STAG1: variants seen among roughly 807,000 people sequenced by gnomAD.
STAG1 encodes STAG1 cohesin complex component.
Under a neutral mutation model 170.9 loss-of-function variants are expected in STAG1, and 26 were observed. The ratio of observed to expected loss-of-function variants is 0.15; its 90% confidence interval spans 0.11 to 0.21. STAG1 has a LOEUF of 0.21. Among genes scored for constraint, STAG1 ranks in the 10% least tolerant of loss-of-function variants. The pLI is 1.00. For missense variants in STAG1, 964 were observed against 1,509.5 expected (o/e 0.64, Z 5.99); for synonymous variants, 514 against 497.7 (o/e 1.03, Z -0.44).
At chr3:136,422,198 C>A (rs2087979492) in intron 19 of STAG1, among the ~76,000 whole-genome samples, 2 of 150,482 alleles carry the variant, frequency 1.3e-5, no homozygotes, top group African/African-American at 2.4e-5. Flanking sequence ...AAAAGAAATT[C>A]TAGTTTTTAT....
intron 21 of STAG1, among the ~76,000 whole-genome samples, chr3:136,401,278 GT>G (rs1480311646): frequency 1.3e-5 from 2 of 152,144 alleles, no homozygotes; most frequent in African/African-American, 2.4e-5. Flanking sequence ...CAAAAATGTG[GT>G]AAAAAACCTA....
At chr3:136,528,666 C>T (rs1935205168) in intron 6 of STAG1, among the ~76,000 whole-genome samples, 3 of 151,858 alleles carry the variant, frequency 2.0e-5, no homozygotes, top group Admixed American at 2.0e-4. Flanking sequence ...TAAAAGGAAC[C>T]AAGTCAGGCG....
chr3:136,519,180 C>A (rs1934533657), intron 7 of STAG1, among the ~76,000 whole-genome samples: 1 of 152,008 alleles, frequency 6.6e-6, no homozygotes, highest in Admixed American at 6.6e-5. Context: ...TTTTAAGAGT[C>A]AAAATATTCT....
chr3:136,443,235 G>T, intron 15 of STAG1, 52 bp downstream of exon 15: 1 of 1,255,492 alleles, frequency 8.0e-7, no homozygotes, highest in Non-Finnish European at 1.2e-6. Context: ...CAACTGTATT[G>T]CTATCAATGG....
chr3:136,569,585 CAA>C (rs1182110202), intron 4 of STAG1, among the ~76,000 whole-genome samples: 2 of 151,898 alleles, frequency 1.3e-5, no homozygotes, highest in East Asian at 3.8e-4. Context: ...TTAGTTAATG[CAA>C]AAGTTAGCAA....
intron 1 of STAG1, among the ~76,000 whole-genome samples, chr3:136,637,498 C>G (rs1036327335): frequency 3.3e-5 from 5 of 152,174 alleles, no homozygotes; most frequent in Non-Finnish European, 7.3e-5. Flanking sequence ...TCTGCTCTTT[C>G]TCTCTGAATG....
chr3:136,400,622 G>A (rs2087297670), intron 21 of STAG1, among the ~76,000 whole-genome samples: 1 of 151,100 alleles, frequency 6.6e-6, no homozygotes, highest in Admixed American at 6.6e-5. Flanking sequence ...TGCAACCTCC[G>A]CCTCCCGGGT....
chr3:136,448,854 G>C (rs1484798096), intron 14 of STAG1, among the ~76,000 whole-genome samples: 2 of 151,618 alleles, frequency 1.3e-5, no homozygotes, highest in South Asian at 2.1e-4. Flanking sequence ...CAGGAGAATC[G>C]CTTGAACCCA....
chr3:136,653,950 A>T (rs1257005168), intron 1 of STAG1, among the ~76,000 whole-genome samples: 1 of 152,232 alleles, frequency 6.6e-6, no homozygotes, highest in African/African-American at 2.4e-5. Context: ...CTGCATAACA[A>T]GAACACTAAG....
At chr3:136,751,693 A>ACGC (rs1350379858) in intron 1 of STAG1, among the ~76,000 whole-genome samples, 3 of 151,754 alleles carry the variant, frequency 2.0e-5, no homozygotes, top group Non-Finnish European at 2.9e-5. Context: ...TTGTCATGTG[A>ACGC]CGCCGCCGCC....
At chr3:136,551,106 G>C (rs1936360891) in intron 5 of STAG1, among the ~76,000 whole-genome samples, 1 of 150,798 alleles carries the variant, frequency 6.6e-6, no homozygotes, top group South Asian at 2.1e-4. Context: ...TAATGGGTAA[G>C]AAGTTATGTT....
At chr3:136,605,934 C>T (rs929435984) in intron 3 of STAG1, among the ~76,000 whole-genome samples, 3 of 152,094 alleles carry the variant, frequency 2.0e-5, no homozygotes, top group African/African-American at 7.2e-5. Flanking sequence ...ACAGTATAGT[C>T]CTCTTTTCAC....
intron 1 of STAG1, among the ~76,000 whole-genome samples, chr3:136,674,133 G>C (rs1345318155): frequency 5.8e-5 from 6 of 103,832 alleles, no homozygotes; most frequent in Non-Finnish European, 9.8e-5. Context: ...GAGGGAGGGA[G>C]GGAAGGAAGG....
intron 23 of STAG1, among the ~76,000 whole-genome samples, chr3:136,371,882 A>T (rs959744699): frequency 1.1e-4 from 17 of 152,136 alleles, no homozygotes; most frequent in African/African-American, 4.1e-4. Context: ...GTTTTTTCCA[A>T]TTCTGTGAAG....
intron 3 of STAG1, among the ~76,000 whole-genome samples, chr3:136,620,927 C>CA (rs1939816990): frequency 6.6e-6 from 1 of 151,974 alleles, no homozygotes; most frequent in Non-Finnish European, 1.5e-5. Context: ...TTCTTTTCAT[C>CA]AAAAAAGCAC....
Position 136,477,397 on chromosome 3 carries a change from C to G in STAG1, c.918G>C (p.Glu306Asp). 6.2e-7 allele frequency: 1 copy of G among 1,611,336 alleles called. No individual in the cohort carries two copies. Among genetic ancestry groups the G allele is most frequent in the Non-Finnish European group, 8.5e-7 (1 of 1,179,216 alleles). The change falls in exon 10 of 34, where the codon GAG becomes GAC. Residue 306 changes from glutamate to aspartate, a missense_variant. Transcript: ENST00000383202. ...TTTCTTCAATACAAATGGCTCTAAT[C>G]TCAGCAATAGCATCACTAGAGAGAG... ...FVHRYRDAIA[E>D]IRAICIEEIG...
chr3:136,718,716 G>A (rs941349395), intron 1 of STAG1, among the ~76,000 whole-genome samples: 14 of 152,242 alleles, frequency 9.2e-5, no homozygotes, highest in Middle Eastern at 3.4e-3. Flanking sequence ...CATGAGGTCC[G>A]GAGTTTGAGA....
chr3:136,562,226 C>T (rs1208293853), intron 5 of STAG1, among the ~76,000 whole-genome samples: 1 of 151,940 alleles, frequency 6.6e-6, no homozygotes, highest in Non-Finnish European at 1.5e-5. Context: ...TGTCACATTT[C>T]TTCAGTCTAC....
chr3:136,575,337 A>G (rs939392623), intron 4 of STAG1, among the ~76,000 whole-genome samples: 4 of 151,962 alleles, frequency 2.6e-5, no homozygotes, highest in African/African-American at 9.7e-5. Flanking sequence ...CTATCCTTCC[A>G]CCTCAGCCTC....
Sources: allele counts gnomAD v4.1 joint callset (sites outside exome capture counted in the v4.1 genomes callset), GRCh38; gene constraint gnomAD v4.1.1; transcripts MANE v1.5; gene names NCBI Gene and HGNC (gene_info 2026-07-23, HGNC 2026-07-21).